Variants in GRIN2D observed in about 807,000 individuals in gnomAD.
GRIN2D encodes the protein glutamate receptor ionotropic, NMDA 2D.
GRIN2D carries 37 observed loss-of-function variants against 103.2 expected under a neutral mutation model. The observed-to-expected ratio is 0.36, with a 90% CI of 0.28 to 0.47. The LOEUF is 0.47. Ranked by LOEUF, GRIN2D falls within the 20% of genes least tolerant of loss-of-function variation. The probability of loss-of-function intolerance (pLI) is 1.00; values close to 1 mark genes in which losing one functional copy is unlikely to be tolerated. For missense variants in GRIN2D, 1,557 were observed against 1,910.6 expected (o/e 0.81, Z 3.45); for synonymous variants, 845 against 885.6 (o/e 0.95, Z 0.81).
At chr19:48,416,471 G>C (rs1380726686) in intron 8 of GRIN2D, among the ~76,000 whole-genome samples, 2 of 152,164 alleles carry the variant, frequency 1.3e-5, no homozygotes, top group Admixed American at 6.6e-5. Context: ...TTCTCAAAGA[G>C]AGCCCTCCAA....
chr19:48,406,002 C>T (rs1409944971), intron 4 of GRIN2D, among the ~76,000 whole-genome samples: 1 of 152,162 alleles, frequency 6.6e-6, no homozygotes, highest in African/African-American at 2.4e-5. Flanking sequence ...AGAAAGGACA[C>T]GCCTCATACC....
At chr19:48,397,539 GGCCTTGGGGTCTCTGTCTCCCTCTTCCT>G (rs1970658139) in intron 2 of GRIN2D, among the ~76,000 whole-genome samples, 1 of 151,920 alleles carries the variant, frequency 6.6e-6, no homozygotes, top group African/African-American at 2.4e-5. Context: ...GTCTCTTGGT[GGCCTTGGGGTCTCTGTCTCCCTCTTCCT>G]GCCTTGCTGT....
At chr19:48,411,670 T>G (rs905546064) in intron 4 of GRIN2D, among the ~76,000 whole-genome samples, 4 of 151,136 alleles carry the variant, frequency 2.6e-5, no homozygotes, top group Non-Finnish European at 5.9e-5. Context: ...AATAAATAAA[T>G]AAGAAGAATA....
At chr19:48,434,183 C>T (rs908118856) in intron 11 of GRIN2D, among the ~76,000 whole-genome samples, 9 of 152,066 alleles carry the variant, frequency 5.9e-5, no homozygotes, top group Non-Finnish European at 1.0e-4. Flanking sequence ...ATCTCCTGAC[C>T]TCGTGATCCG....
At chr19:48,419,024 T>TA (rs1467101921) in intron 8 of GRIN2D, among the ~76,000 whole-genome samples, 5 of 151,490 alleles carry the variant, frequency 3.3e-5, no homozygotes, top group Admixed American at 3.3e-4. Flanking sequence ...GGTAGTACCC[T>TA]AGGGTTTTTT....
chr19:48,420,264 T>C lies in GRIN2D; in HGVS notation c.2091+450T>C, dbSNP rs534811633. On this transcript the variant is annotated intron_variant, in intron 10 of 13. Transcript: ENST00000263269. ...TAACACGGTGAAACCCCGTCTCTTC[T>C]AAAAGTACATAAAATTAGCCGGGCG... 2.0e-5 allele frequency among the ~76,000 whole-genome samples: 3 copies of C among 151,228 alleles called. No homozygotes were observed. In the East Asian group the frequency reaches 5.9e-4, roughly 30 times the overall value.
At chr19:48,407,627 G>A (rs749526659) in intron 4 of GRIN2D, among the ~76,000 whole-genome samples, 6 of 152,252 alleles carry the variant, frequency 3.9e-5, no homozygotes, top group Admixed American at 2.6e-4. Context: ...TGATTGAAAC[G>A]CCCTTTATTG....
rs1970933690 is a variant in GRIN2D at position 48,415,400 on chromosome 19, C to T, written c.1581+368C>T. On this transcript the variant is annotated intron_variant, in intron 7 of 13. Coordinates refer to ENST00000263269, the MANE Select transcript of GRIN2D (RefSeq NM_000836.4). ...ATAATAATAAAAAAAAAGAGGTCGG[C>T]ACCCTGGGGCAGGGGCGCGGCCAAA... Among the ~76,000 whole-genome samples the T allele has an allele frequency of 2.0e-5, 3 of 150,056 alleles. No homozygotes were observed. The South Asian group carries it at 6.4e-4, about 32-fold the overall frequency.
rs1330368744 is a variant in GRIN2D, at chr19:48,443,588, G to A, written c.3662G>A (p.Arg1221Gln). 1 of 1,178,552 alleles carries A rather than the reference G, an allele frequency of 8.5e-7. No homozygotes were observed. The highest frequency in any genetic ancestry group is 3.8e-5 in the South Asian group (1 of 26,042). The allele number at this position is 1,178,552 out of a possible 1,614,324, so 73.0% of individuals were successfully genotyped here. Residue 1221 changes from arginine to glutamine, a missense_variant, in exon 14 of 14, where the codon CGA becomes CAA. Arg to Gln is a conservative substitution (Grantham distance 43). Transcript: ENST00000263269. The surrounding 1 kb of genome is among the most constrained non-coding windows in gnomAD (Gnocchi z 8.9). ...PPPWAAGPLPRRRARCGCPRS... is the reference protein window; with the variant it reads ...PPPWAAGPLPQRRARCGCPRS... ...CCCTGGGCCGCCGGGCCCCTGCCCC[G>A]ACGCCGGGCCCGCTGCGGGTGCCCG...
chr19:48,398,946 C>T, intron 3 of GRIN2D, 89 bp downstream of exon 3: 1 of 902,450 alleles, frequency 1.1e-6, no homozygotes, highest in South Asian at 3.3e-5. Context: ...GGGGCGGGGC[C>T]TAGAGGGGGC....
Position 48,394,643 on chromosome 19 carries a change from G to A in GRIN2D, c.-305-15G>A, listed in dbSNP as rs1970614440. On this transcript the variant is annotated splice_polypyrimidine_tract_variant and intron_variant, in intron 1 of 13. Coordinates refer to ENST00000263269, the MANE Select transcript of GRIN2D (RefSeq NM_000836.4). This position sits in a 1 kb window ranked among gnomAD's most constrained non-coding sequence, Gnocchi z 5.1. Reference sequence around the variant, plus strand: ...ACCCCGACAGCCTCTGCAATGTCCGGGGCCCAACTTCCAGAGCAACATGTG... The same window carrying A: ...ACCCCGACAGCCTCTGCAATGTCCGAGGCCCAACTTCCAGAGCAACATGTG... 6.6e-6 allele frequency among the ~76,000 whole-genome samples: 1 copy of A among 152,170 alleles called. No individual in the cohort carries two copies. The highest frequency in any genetic ancestry group is 6.5e-5 in the Admixed American group (1 of 15,278).
chr19:48,406,325 A>C (rs1198721144), intron 4 of GRIN2D, among the ~76,000 whole-genome samples: 1 of 152,224 alleles, frequency 6.6e-6, no homozygotes, highest in East Asian at 1.9e-4. Context: ...TGTGTGCCCA[A>C]CTTACGCACT....
At chr19:48,435,090 C>T (rs1179277854) in intron 11 of GRIN2D, among the ~76,000 whole-genome samples, 2 of 151,944 alleles carry the variant, frequency 1.3e-5, no homozygotes, top group Non-Finnish European at 2.9e-5. Flanking sequence ...AACAAAATAC[C>T]ATAGACTGAG....
At chr19:48,411,438 T>G (rs1359590887) in intron 4 of GRIN2D, among the ~76,000 whole-genome samples, 1 of 151,308 alleles carries the variant, frequency 6.6e-6, no homozygotes, top group African/African-American at 2.4e-5. Context: ...GATCACAAGG[T>G]GAGGAGTTCA....
chr19:48,442,855 C>A lies in GRIN2D; in HGVS notation c.2929C>A (p.Leu977Met). The part of the protein sequence containing the change: ...PIEPQGLGLG[L>M]GEARAAPRGA... ...CGAGCCGCAGGGCCTAGGCCTCGGC[C>A]TGGGCGAAGCGCGCGCGGCACCGCG... Residue 977 changes from leucine to methionine, a missense_variant, in exon 14 of 14, where the codon CTG becomes ATG. Around this residue, in one of 7 missense-constraint regions of GRIN2D, gnomAD observed 632 missense variants for 572.8 expected, o/e 1.10. Coordinates refer to ENST00000263269, the MANE Select transcript of GRIN2D (RefSeq NM_000836.4). This position sits in a 1 kb window ranked among gnomAD's most constrained non-coding sequence, Gnocchi z 7.2. 9.2e-7 allele frequency: 1 copy of A among 1,084,856 alleles called. No homozygotes were observed. The highest frequency in any genetic ancestry group is 1.1e-6 in the Non-Finnish European group (1 of 896,098). The allele number at this position is 1,084,856 out of a possible 1,614,324, so 67.2% of individuals were successfully genotyped here.
In GRIN2D at chr19:48,444,374, CG is replaced by C. The variant is rs1971356415; in HGVS notation, c.*438del. ...CATTGGGACTCAAAACTGTGAGACG[CG>C]TTCGCCAAACTGTGACCCCAGACCT... On this transcript the variant is annotated 3_prime_UTR_variant, in exon 14 of 14. Transcript: ENST00000263269. The surrounding 1 kb of genome is among the most constrained non-coding windows in gnomAD (Gnocchi z 5.5). 6.4e-6 allele frequency: 1 copy of C among 155,428 alleles called. No homozygotes were observed. Among genetic ancestry groups the C allele is most frequent in the African/African-American group, 2.4e-5 (1 of 41,522 alleles). The allele number at this position is 155,428 out of a possible 1,614,324, so 9.6% of individuals were successfully genotyped here.
chr19:48,414,818 T>G lies in GRIN2D; in HGVS notation c.1413-46T>G, dbSNP rs767767803. On this transcript the variant is annotated intron_variant, in intron 6 of 13. Coordinates refer to ENST00000263269, the MANE Select transcript of GRIN2D (RefSeq NM_000836.4). This position sits in a 1 kb window ranked among gnomAD's most constrained non-coding sequence, Gnocchi z 4.6. ...CATATCCTCTCTTCATGAGAGAGTC[T>G]AAGGAGGGGGTCCCCAAACTCCCCA... The G allele has an allele frequency of 1.9e-6, 3 of 1,600,120 alleles. No individual in the cohort carries two copies. The African/African-American group carries it at 4.0e-5, about 21-fold the overall frequency.
At chr19:48,415,693 G>C (rs1970938959) in intron 7 of GRIN2D, among the ~76,000 whole-genome samples, 1 of 151,384 alleles carries the variant, frequency 6.6e-6, no homozygotes, top group Non-Finnish European at 1.5e-5. Context: ...GAGGAGGAGG[G>C]GCCAGGAGGG....
At chr19:48,403,198 C>CA (rs145115482) in intron 3 of GRIN2D, among the ~76,000 whole-genome samples, 933 of 90,356 alleles carry the variant, frequency 0.01, 3 homozygotes, top group Non-Finnish European at 0.015. Flanking sequence ...GACTCTGTCT[C>CA]AAAAAAAAAA....
Sources: allele counts gnomAD v4.1 joint callset (sites outside exome capture counted in the v4.1 genomes callset), GRCh38; gene constraint gnomAD v4.1.1; regional missense constraint gnomAD v4.1.1; non-coding constraint Gnocchi (gnomAD v3.1); transcripts MANE v1.5; gene names NCBI Gene and HGNC (gene_info 2026-07-23, HGNC 2026-07-21).